The following CCDC81 variants were observed in gnomAD, a reference collection of about 807,000 sequenced individuals.
CCDC81 encodes coiled-coil domain-containing protein 81.
In CCDC81, 79 loss-of-function variants were observed where a neutral mutation model predicts 83.7. That is an observed-to-expected ratio of 0.94 (90% CI 0.79 to 1.14). The LOEUF (loss-of-function observed/expected upper bound fraction) is 1.14, where lower values mean the gene tolerates loss of function less well. Ranked by LOEUF, CCDC81 falls within the 50% of genes most tolerant of loss-of-function variation. The pLI is 0.00. For missense variants in CCDC81, 791 were observed against 778.1 expected (o/e 1.02, Z -0.20); for synonymous variants, 252 against 278.1 (o/e 0.91, Z 0.93).
chr11:86,400,761 G>A lies in CCDC81; in HGVS notation c.841G>A (p.Glu281Lys), dbSNP rs1948475545. ...VTNVSLLEKF[E>K]RSESGGKIMT... is the part of the protein sequence containing the mutation. ...AAATGTCAGCTTGCTGGAAAAGTTT[G>A]AACGAAGTGAGAGTGGTGGGAAGAT... Residue 281 changes from glutamate to lysine, a missense_variant, in exon 7 of 15, where the codon GAA (glutamate) becomes AAA (lysine). Glu to Lys is a moderately conservative substitution (Grantham distance 56, BLOSUM62 1). Transcript: ENST00000445632. The A allele has an allele frequency of 6.2e-7, 1 of 1,612,958 alleles. No homozygotes were observed. The highest frequency in any genetic ancestry group is 8.5e-7 in the Non-Finnish European group (1 of 1,179,148).
rs369308116 is a variant in CCDC81, at chr11:86,374,957, G to A, written c.-207G>A. 226 of 548,158 alleles carry A rather than the reference G, an allele frequency of 4.1e-4. No homozygotes were observed. The East Asian group carries it at 6.7e-3, about 16-fold the overall frequency. The allele number at this position is 548,158 out of a possible 1,614,324, so 34.0% of individuals were successfully genotyped here. A position where few individuals can be genotyped will look rare whatever the true frequency, so the allele number is the denominator to read the frequency against. ...GCCCGAGAGCCAGAGCAGTGGGGAG[G>A]GACGGCGAGAACCAATGTTTAAGTT... On this transcript the variant is annotated 5_prime_UTR_variant, in exon 1 of 15. Coordinates refer to ENST00000445632, the MANE Select transcript of CCDC81 (RefSeq NM_001156474.2).
intron 14 of CCDC81, 100 bp from the exon 15 acceptor site, chr11:86,422,473 TG>T: frequency 1.0e-6 from 1 of 1,003,564 alleles, no homozygotes; most frequent in Non-Finnish European, 1.5e-6. Flanking sequence ...GAACGCAAGG[TG>T]TCACTTTTCT....
intron 1 of CCDC81, among the ~76,000 whole-genome samples, chr11:86,378,012 C>T (rs1037527212): frequency 1.0e-3 from 83 of 82,296 alleles, no homozygotes; most frequent in African/African-American, 3.8e-3. Context: ...TCCAGTTGTT[C>T]TAGCAATGTT....
chr11:86,406,602 C>T (rs1427327806), intron 7 of CCDC81, among the ~76,000 whole-genome samples: 3 of 152,010 alleles, frequency 2.0e-5, no homozygotes, highest in East Asian at 1.9e-4. Context: ...GTCAGGAGTC[C>T]GAGACCAGCC....
chr11:86,407,990 CT>C, intron 8 of CCDC81, 136 bp from the exon 9 acceptor site: 1 of 819,374 alleles, frequency 1.2e-6, no homozygotes. Context: ...CTCTGCAAAT[CT>C]CATTTTGCTG....
chr11:86,401,862 C>T (rs773601026), intron 7 of CCDC81, among the ~76,000 whole-genome samples: 1 of 152,018 alleles, frequency 6.6e-6, no homozygotes, highest in African/African-American at 2.4e-5. Context: ...ATAGGCCAGG[C>T]GCAGTGGCTC....
chr11:86,391,762 C>T, intron 3 of CCDC81, among the ~76,000 whole-genome samples: 1 of 152,170 alleles, frequency 6.6e-6, no homozygotes, highest in East Asian at 1.9e-4. Context: ...TGTATCAGTT[C>T]ATTCTTGCAT....
chr11:86,383,532 C>G (rs1470220725), intron 1 of CCDC81, among the ~76,000 whole-genome samples: 1 of 152,046 alleles, frequency 6.6e-6, no homozygotes, highest in African/African-American at 2.4e-5. Context: ...GAATTTGAAG[C>G]CAAATGAAGG....
chr11:86,387,747 A>G (rs1343508480), intron 3 of CCDC81, 75 bp downstream of exon 3: 1 of 1,037,806 alleles, frequency 9.6e-7, no homozygotes, highest in African/African-American at 1.6e-5. Flanking sequence ...GGCAAAGCGT[A>G]GCCAGTGCTG....
chr11:86,379,827 C>A (rs1028202755), intron 1 of CCDC81, among the ~76,000 whole-genome samples: 2 of 151,652 alleles, frequency 1.3e-5, no homozygotes, highest in African/African-American at 4.8e-5. Context: ...AAATTAAAAC[C>A]AAAAAAATTA....
chr11:86,377,468 T>C (rs749929846), intron 1 of CCDC81, among the ~76,000 whole-genome samples: 6 of 152,168 alleles, frequency 3.9e-5, no homozygotes, highest in Non-Finnish European at 8.8e-5. Flanking sequence ...GCATTTGTTG[T>C]TGTCAGTATT....
intron 10 of CCDC81, 74 bp from the exon 11 acceptor site, chr11:86,412,313 A>G: frequency 1.7e-6 from 2 of 1,157,538 alleles, no homozygotes; most frequent in Non-Finnish European, 2.5e-6. Context: ...TTTCTGATTT[A>G]TCTTAGTCTT....
intron 3 of CCDC81, among the ~76,000 whole-genome samples, chr11:86,389,681 T>A (rs1042829116): frequency 5.3e-5 from 8 of 152,120 alleles, no homozygotes; most frequent in Non-Finnish European, 1.0e-4. Flanking sequence ...ACCAGGCCCC[T>A]CCTCCAATTA....
intron 5 of CCDC81, among the ~76,000 whole-genome samples, chr11:86,396,109 A>G (rs1206033487): frequency 6.6e-6 from 1 of 152,082 alleles, no homozygotes; most frequent in Non-Finnish European, 1.5e-5. Context: ...CCTTGCTCGG[A>G]TTTTTACCAC....
chr11:86,385,116 G>T (rs921679077), intron 1 of CCDC81, among the ~76,000 whole-genome samples: 3 of 152,240 alleles, frequency 2.0e-5, no homozygotes, highest in Admixed American at 1.3e-4. Flanking sequence ...GGCTGGGCAT[G>T]GTGGCTCATG....
At chr11:86,378,677 A>C (rs1480382575) in intron 1 of CCDC81, among the ~76,000 whole-genome samples, 1 of 152,220 alleles carries the variant, frequency 6.6e-6, no homozygotes, top group Non-Finnish European at 1.5e-5. Flanking sequence ...CATATTAAAA[A>C]TTCTTAGGTC....
chr11:86,412,340 G>GT (rs762921711), intron 10 of CCDC81, 47 bp from the exon 11 acceptor site: 14 of 1,385,838 alleles, frequency 1.0e-5, no homozygotes, highest in African/African-American at 2.9e-5. Flanking sequence ...TATTAACCTT[G>GT]TTTTTCAGTA....
intron 14 of CCDC81, 123 bp downstream of exon 14, chr11:86,420,176 A>T (rs914749797): frequency 1.2e-5 from 13 of 1,121,604 alleles, no homozygotes; most frequent in Non-Finnish European, 1.7e-5. Context: ...GCAAGTCTGT[A>T]TTCCATGGGA....
chr11:86,407,227 T>A (rs1295701715), intron 7 of CCDC81, among the ~76,000 whole-genome samples: 2 of 152,256 alleles, frequency 1.3e-5, no homozygotes, highest in East Asian at 3.8e-4. Flanking sequence ...GTTAATTCCA[T>A]GAGGGCAGGG....
Sources: allele counts gnomAD v4.1 joint callset (sites outside exome capture counted in the v4.1 genomes callset), GRCh38; gene constraint gnomAD v4.1.1; transcripts MANE v1.5; gene names NCBI Gene and HGNC (gene_info 2026-07-23, HGNC 2026-07-21).